The following MACF1 variants were observed in gnomAD, a reference collection of about 807,000 sequenced individuals.
MACF1 encodes microtubule actin crosslinking factor 1, also known as microtubule-actin cross-linking factor 1.
Under a neutral mutation model 854.8 loss-of-function variants are expected in MACF1, and 193 were observed. That is an observed-to-expected ratio of 0.23 (90% CI 0.20 to 0.25). The LOEUF (loss-of-function observed/expected upper bound fraction) is 0.25, where lower values mean the gene tolerates loss of function less well. Among genes scored for constraint, MACF1 ranks in the 10% least tolerant of loss-of-function variants. The pLI, the probability that MACF1 is intolerant of heterozygous loss-of-function variation, is 1.00. For synonymous variants in MACF1, 3,185 were observed against 3,226.7 expected, an observed-to-expected ratio of 0.99 and a Z score of 0.44; for missense variants, 7,722 against 8,929.1, an observed-to-expected ratio of 0.86 and a Z score of 5.45.
intron 49 of MACF1, 28 bp downstream of exon 49, chr1:39,361,705 A>G: frequency 6.2e-7 from 1 of 1,608,664 alleles, no homozygotes; most frequent in African/African-American, 1.3e-5. Flanking sequence ...ATGTTAGCAG[A>G]ATAAAGGGAA....
chr1:39,266,884 C>T (rs1228569723), intron 6 of MACF1, among the ~76,000 whole-genome samples: 1 of 152,084 alleles, frequency 6.6e-6, no homozygotes, highest in Non-Finnish European at 1.5e-5. Context: ...ATTTTTGAAT[C>T]CGACTTTTAC....
intron 2 of MACF1, among the ~76,000 whole-genome samples, chr1:39,165,173 G>C (rs1439106554): frequency 2.6e-5 from 4 of 152,162 alleles, no homozygotes; most frequent in South Asian, 4.1e-4. Context: ...TCACTGACAG[G>C]CTTGCGTCCT....
chr1:39,465,257 A>G (rs1395902121), intron 95 of MACF1, 145 bp downstream of exon 95: 1 of 796,818 alleles, frequency 1.3e-6, no homozygotes, highest in East Asian at 2.4e-5. Context: ...GAAACTGTTG[A>G]TGGGGCCAGC....
chr1:39,110,288 G>A (rs1257472443), intron 2 of MACF1, among the ~76,000 whole-genome samples: 7 of 133,754 alleles, frequency 5.2e-5, no homozygotes, highest in Non-Finnish European at 3.1e-5. Flanking sequence ...AGGCTAGAGT[G>A]CAGTGTGGTG....
chr1:39,316,348 A>G (rs1347342680), intron 27 of MACF1, 43 bp from the exon 28 acceptor site: 4 of 1,551,060 alleles, frequency 2.6e-6, no homozygotes, highest in Middle Eastern at 1.8e-4. Flanking sequence ...CCTGGCTCCT[A>G]AAATTCATGT....
chr1:39,132,959 G>T (rs1643045801), intron 2 of MACF1, among the ~76,000 whole-genome samples: 1 of 152,186 alleles, frequency 6.6e-6, no homozygotes, highest in Admixed American at 6.5e-5. Flanking sequence ...GGTTAGAAAA[G>T]CTCGGTCCCT....
intron 58 of MACF1, among the ~76,000 whole-genome samples, chr1:39,421,747 T>A (rs868708619): frequency 4.5e-4 from 68 of 152,314 alleles, no homozygotes; most frequent in African/African-American, 1.4e-3. Context: ...TCGAGGTTGA[T>A]GCTTTTCTAT....
intron 61 of MACF1, among the ~76,000 whole-genome samples, chr1:39,427,247 G>T (rs1341726601): frequency 6.6e-6 from 1 of 152,130 alleles, no homozygotes; most frequent in Admixed American, 6.6e-5. Context: ...TAATTATTCT[G>T]TCCACCTTAC....
rs1569937987 is a variant in MACF1 at position 39,410,037 on chromosome 1, C to T, written c.15817-12337C>T. The T allele has an allele frequency of 7.0e-6, 3 of 426,948 alleles. No homozygotes were observed. The East Asian group carries it at 1.0e-4, about 15-fold the overall frequency. The allele number at this position is 426,948 out of a possible 1,614,324, so 26.4% of individuals were successfully genotyped here. On this transcript the variant is annotated intron_variant, in intron 58 of 100. Transcript: ENST00000564288. Reference sequence around the variant, plus strand: ...TACAAGGAATTATTTTAAATTATATCGTCTGTCAACCATGAGGCTGCTAGC... The same window carrying T: ...TACAAGGAATTATTTTAAATTATATTGTCTGTCAACCATGAGGCTGCTAGC...
At chr1:39,384,093 A>G (rs1475058089) in intron 56 of MACF1, among the ~76,000 whole-genome samples, 2 of 152,124 alleles carry the variant, frequency 1.3e-5, no homozygotes, top group Non-Finnish European at 2.9e-5. Context: ...TGCTAATCCT[A>G]GACCCTCCCC....
chr1:39,190,401 G>GTTTTTTTTTTT (rs71057198), intron 2 of MACF1, among the ~76,000 whole-genome samples: 1 of 105,984 alleles, frequency 9.4e-6, no homozygotes, highest in African/African-American at 3.8e-5. Flanking sequence ...GTTTGTTTTT[G>GTTTTTTTTTTT]TTTTTTTTTT....
intron 2 of MACF1, among the ~76,000 whole-genome samples, chr1:39,236,375 C>T (rs1644859542): frequency 2.0e-5 from 3 of 152,146 alleles, no homozygotes. Flanking sequence ...GTTCATTCTG[C>T]TCCCTGTGCT....
At chr1:39,473,041 A>G (rs1467281004) in intron 97 of MACF1, among the ~76,000 whole-genome samples, 1 of 152,212 alleles carries the variant, frequency 6.6e-6, no homozygotes, top group African/African-American at 2.4e-5. Context: ...GGCCAGTGAA[A>G]TACTATCCCA....
chr1:39,323,119 T>C (rs1376257901), intron 33 of MACF1, 111 bp downstream of exon 33: 1 of 933,482 alleles, frequency 1.1e-6, no homozygotes, highest in South Asian at 1.3e-5. Context: ...TTGGGAGGAT[T>C]ACTTGAGTCT....
intron 2 of MACF1, among the ~76,000 whole-genome samples, chr1:39,113,802 G>A (rs1297366616): frequency 1.3e-5 from 2 of 152,128 alleles, no homozygotes; most frequent in African/African-American, 4.8e-5. Context: ...TTGGGAGGCC[G>A]AGGTGGGTGG....
chr1:39,286,475 T>C (rs542243632), intron 14 of MACF1, among the ~76,000 whole-genome samples: 7 of 147,144 alleles, frequency 4.8e-5, no homozygotes, highest in African/African-American at 1.6e-4. Context: ...TTTTTTCCCC[T>C]TTTTTTTTTG....
chr1:39,352,844 A>G (rs1647233794), intron 43 of MACF1, among the ~76,000 whole-genome samples, 163 bp from the exon 44 acceptor site: 1 of 151,800 alleles, frequency 6.6e-6, no homozygotes, highest in Non-Finnish European at 1.5e-5. Context: ...TTTTCAAAAG[A>G]TTTTAAAAGA....
intron 97 of MACF1, 97 bp from the exon 98 acceptor site, chr1:39,479,699 CTT>C: frequency 1.0e-6 from 1 of 976,954 alleles, no homozygotes; most frequent in Non-Finnish European, 1.6e-6. Flanking sequence ...ACCCATATAA[CTT>C]ATATAACTGT....
Position 39,254,289 on chromosome 1 carries a change from T to C in MACF1, c.358-9T>C. 1 of 1,613,236 alleles carries C rather than the reference T, an allele frequency of 6.2e-7. No individual in the cohort carries two copies. Among genetic ancestry groups the C allele is most frequent in the South Asian group, 1.1e-5 (1 of 91,042 alleles). On this transcript the variant is annotated splice_polypyrimidine_tract_variant and intron_variant, in intron 4 of 100. Transcript: ENST00000564288. ...CAGAATTAACATCCCTTTTTTTGTT[T>C]GTTTGCAGCCCCGGGAGAAGGGCAG...
Sources: allele counts gnomAD v4.1 joint callset (sites outside exome capture counted in the v4.1 genomes callset), GRCh38; gene constraint gnomAD v4.1.1; transcripts MANE v1.5; gene names NCBI Gene and HGNC (gene_info 2026-07-23, HGNC 2026-07-21).